Variants in CDH4 observed in about 807,000 individuals in gnomAD.
CDH4 encodes cadherin-4.
Under a neutral mutation model 86.0 loss-of-function variants are expected in CDH4, and 33 were observed. That is an observed-to-expected ratio of 0.38 (90% CI 0.29 to 0.51). The LOEUF (loss-of-function observed/expected upper bound fraction) is 0.51, where lower values mean the gene tolerates loss of function less well. CDH4 is among the 20% of genes least tolerant of loss of function. CDH4 has a pLI of 0.86. For synonymous variants in CDH4, 555 were observed against 549.4 expected (o/e 1.01, Z -0.14); for missense variants, 1,114 against 1,307.4 (o/e 0.85, Z 2.28).
Position 61,895,018 on chromosome 20 carries a change from G to A in CDH4, c.1159G>A (p.Asp387Asn). Residue 387 changes from aspartate to asparagine, a missense_variant, in exon 8 of 16, where the codon GAC (aspartate) becomes AAC (asparagine). Coordinates refer to ENST00000614565, the MANE Select transcript of CDH4 (RefSeq NM_001794.5). ...CATCATCACGGTGACAGATGTGAAT[G>A]ACAACCCGCCAGAATTTACCGCCAG... ...TAIITVTDVN[D>N]NPPEFTASTF... 6.2e-6 allele frequency: 10 copies of A among 1,613,858 alleles called. No individual in the cohort carries two copies. Among genetic ancestry groups the A allele is most frequent in the Non-Finnish European group, 8.5e-6 (10 of 1,179,992 alleles).
chr20:61,305,178 G>C (rs13044209), intron 2 of CDH4, among the ~76,000 whole-genome samples: 1 of 152,092 alleles, frequency 6.6e-6, no homozygotes, highest in African/African-American at 2.4e-5. Context: ...CTGACTGTCC[G>C]TAAGTGTGTG....
intron 2 of CDH4, among the ~76,000 whole-genome samples, chr20:61,720,584 TA>T (rs1310378457): frequency 4.3e-5 from 6 of 139,178 alleles, no homozygotes; most frequent in African/African-American, 1.7e-4. Flanking sequence ...GGGTACAGAG[TA>T]GGGGTGTACA....
At chr20:61,632,326 C>T (rs1883160487) in intron 2 of CDH4, among the ~76,000 whole-genome samples, 1 of 152,114 alleles carries the variant, frequency 6.6e-6, no homozygotes, top group Non-Finnish European at 1.5e-5. Context: ...CTGAGCTGTG[C>T]ACTTATACAA....
chr20:61,804,685 G>C (rs934744790), intron 4 of CDH4, among the ~76,000 whole-genome samples: 1 of 152,230 alleles, frequency 6.6e-6, no homozygotes, highest in African/African-American at 2.4e-5. Flanking sequence ...CCAGGGGAGG[G>C]AGTGGCCGTA....
intron 8 of CDH4, among the ~76,000 whole-genome samples, chr20:61,897,484 C>A (rs1449849373): frequency 2.0e-5 from 3 of 152,116 alleles, no homozygotes; most frequent in Non-Finnish European, 4.4e-5. Flanking sequence ...CAGAAATGAC[C>A]AGCCACCAGC....
chr20:61,385,010 G>A (rs2084943302), intron 2 of CDH4, among the ~76,000 whole-genome samples: 1 of 152,194 alleles, frequency 6.6e-6, no homozygotes, highest in African/African-American at 2.4e-5. Flanking sequence ...CCTACGATGA[G>A]GATGTGTGTC....
chr20:61,630,333 C>G (rs558988795), intron 2 of CDH4, among the ~76,000 whole-genome samples: 58 of 152,344 alleles, frequency 3.8e-4, no homozygotes, highest in Admixed American at 2.7e-3. Flanking sequence ...TGGGCGCCCG[C>G]TCACACCAGC....
intron 2 of CDH4, among the ~76,000 whole-genome samples, chr20:61,714,700 G>C (rs1354967826): frequency 6.6e-6 from 1 of 152,092 alleles, no homozygotes; most frequent in Non-Finnish European, 1.5e-5. Context: ...TAGAATAATG[G>C]CCTCTAGTTC....
At chr20:61,744,797 C>T (rs796706062) in intron 3 of CDH4, among the ~76,000 whole-genome samples, 8 of 152,330 alleles carry the variant, frequency 5.3e-5, no homozygotes, top group African/African-American at 1.9e-4. Flanking sequence ...GAACAACCTG[C>T]GTTCATCCCC....
At position 61,924,686 on chromosome 20, in the gene CDH4, C is replaced by T. The variant is rs1194004409; in HGVS notation, c.1771+210C>T. Reference sequence around the variant, plus strand: ...CCAGGCCATGCTCCCCCTCCACCCACTCCCATGTCAGTCATTCATTCTGCC... The same window carrying T: ...CCAGGCCATGCTCCCCCTCCACCCATTCCCATGTCAGTCATTCATTCTGCC... On this transcript the variant is annotated intron_variant, in intron 11 of 15. Transcript: ENST00000614565. Among the ~76,000 whole-genome samples, 3 of 152,110 alleles carry T rather than the reference C, an allele frequency of 2.0e-5. No homozygotes were observed. In the East Asian group the frequency reaches 5.8e-4, roughly 29 times the overall value.
At chr20:61,462,516 A>C (rs919624440) in intron 2 of CDH4, among the ~76,000 whole-genome samples, 2 of 152,340 alleles carry the variant, frequency 1.3e-5, no homozygotes, top group East Asian at 3.9e-4. Flanking sequence ...TGTACCAAAA[A>C]TAACAAAATA....
chr20:61,528,428 GA>G, intron 2 of CDH4, among the ~76,000 whole-genome samples: 1 of 113,602 alleles, frequency 8.8e-6, no homozygotes, highest in African/African-American at 3.3e-5. Flanking sequence ...AGGGGGAGAG[GA>G]GGGGAAGGGA....
intron 4 of CDH4, among the ~76,000 whole-genome samples, chr20:61,804,577 G>T (rs1980024379): frequency 6.6e-6 from 1 of 152,170 alleles, no homozygotes; most frequent in Non-Finnish European, 1.5e-5. Context: ...TTACCATATG[G>T]GTTCCCCTCT....
intron 2 of CDH4, among the ~76,000 whole-genome samples, chr20:61,652,268 C>T (rs2087129401): frequency 6.6e-6 from 1 of 152,232 alleles, no homozygotes; most frequent in Non-Finnish European, 1.5e-5. Flanking sequence ...CGAACAGTTC[C>T]TTCCACCCTC....
intron 9 of CDH4, among the ~76,000 whole-genome samples, chr20:61,919,686 G>A (rs1222614055): frequency 6.6e-6 from 1 of 152,212 alleles, no homozygotes; most frequent in Non-Finnish European, 1.5e-5. Context: ...GGCATTCCTA[G>A]AAGTAGGAGG....
At chr20:61,652,938 A>ATTTATTTTTTTTTTTTTTTTTTT (rs1555819716) in intron 2 of CDH4, among the ~76,000 whole-genome samples, 4 of 97,434 alleles carry the variant, frequency 4.1e-5, no homozygotes, top group Admixed American at 2.1e-4. Flanking sequence ...TTATTTATTT[A>ATTTATTTTTTTTTTTTTTTTTTT]TTTTTTTTTT....
intron 2 of CDH4, among the ~76,000 whole-genome samples, chr20:61,581,328 C>A (rs2086426934): frequency 6.6e-6 from 1 of 152,232 alleles, no homozygotes; most frequent in Non-Finnish European, 1.5e-5. Flanking sequence ...TTCTAGGGGT[C>A]AGAAGTCCAG....
chr20:61,694,214 G>A (rs116355568), intron 2 of CDH4, among the ~76,000 whole-genome samples: 2,306 of 152,188 alleles, frequency 0.015, 66 homozygotes, highest in African/African-American at 0.053. Context: ...TTTCCTAAAC[G>A]TGCAGGGTGT....
intron 2 of CDH4, chr20:61,718,626 A>T (rs1354003166): frequency 5.4e-6 from 2 of 373,058 alleles, no homozygotes; most frequent in Admixed American, 3.5e-5. Context: ...TGGGTGTCCT[A>T]AGGTGAACAG....
Sources: gnomAD v4.1 joint callset for allele counts (sites outside exome capture counted in the v4.1 genomes callset) on GRCh38, gnomAD v4.1.1 for gene constraint, MANE v1.5 for transcripts, NCBI Gene and HGNC (gene_info 2026-07-23, HGNC 2026-07-21) for gene names.